CELF4: variants seen among roughly 807,000 people sequenced by gnomAD.
CELF4 encodes CUGBP Elav-like family member 4, also known as CUG-BP- and ETR-3-like factor 4.
Under a neutral mutation model 59.9 loss-of-function variants are expected in CELF4, and 18 were observed. The observed-to-expected ratio is 0.30, with a 90% CI of 0.21 to 0.45. The LOEUF (loss-of-function observed/expected upper bound fraction) is 0.45. CELF4 is among the 20% of genes least tolerant of loss of function. CELF4 has a pLI of 1.00. For synonymous variants in CELF4, 261 were observed against 267.1 expected (o/e 0.98, Z 0.22); for missense variants, 456 against 689.0 (o/e 0.66, Z 3.79).
At chr18:37,381,588 G>C (rs2099041429) in intron 2 of CELF4, among the ~76,000 whole-genome samples, 1 of 152,022 alleles carries the variant, frequency 6.6e-6, no homozygotes, top group African/African-American at 2.4e-5. Flanking sequence ...ATTTGAATGG[G>C]GTCTCTCTGA....
intron 2 of CELF4, among the ~76,000 whole-genome samples, chr18:37,382,487 G>A (rs1336948182): frequency 1.3e-5 from 2 of 152,144 alleles, no homozygotes; most frequent in African/African-American, 4.8e-5. Flanking sequence ...TCTTCACCAT[G>A]TATCCTGGGC....
chr18:37,436,052 T>C (rs1416373342), intron 2 of CELF4, among the ~76,000 whole-genome samples: 1 of 152,050 alleles, frequency 6.6e-6, no homozygotes, highest in Non-Finnish European at 1.5e-5. Context: ...AGGAATGACT[T>C]CACATTTTTG....
intron 3 of CELF4, among the ~76,000 whole-genome samples, chr18:37,309,678 T>C (rs974200396): frequency 4.6e-5 from 7 of 152,024 alleles, no homozygotes; most frequent in East Asian, 1.9e-4. Context: ...GCAGATACTA[T>C]GCGCGTGTGC....
At position 37,328,166 on chromosome 18, in the gene CELF4, C is replaced by T. The variant is rs995090974; in HGVS notation, c.370-6285G>A. Among the ~76,000 whole-genome samples, 18 of 152,302 alleles carry T rather than the reference C, an allele frequency of 1.2e-4. No homozygotes were observed. The South Asian group carries it at 3.5e-3, about 30-fold the overall frequency. On this transcript the variant is annotated intron_variant, in intron 2 of 12. Transcript: ENST00000420428. ...AGGACTGTGCTTCTTCCCTGGAGTA[C>T]GTGTGTGCAACTGATTAGTGCTATG... is the stretch of plus-strand genomic sequence containing the variant.
intron 2 of CELF4, among the ~76,000 whole-genome samples, chr18:37,362,114 A>G (rs1247670372): frequency 6.6e-6 from 1 of 151,910 alleles, no homozygotes; most frequent in Non-Finnish European, 1.5e-5. Flanking sequence ...TGAGGGGAGG[A>G]GGCCTGGCCA....
At chr18:37,563,036 C>T (rs1440368306) in intron 1 of CELF4, among the ~76,000 whole-genome samples, 1 of 151,650 alleles carries the variant, frequency 6.6e-6, no homozygotes, top group African/African-American at 2.4e-5. Flanking sequence ...CCTAGGAATT[C>T]TGGCCAGATT....
intron 2 of CELF4, among the ~76,000 whole-genome samples, chr18:37,338,499 A>T (rs1385148764): frequency 6.6e-6 from 1 of 152,134 alleles, no homozygotes; most frequent in Non-Finnish European, 1.5e-5. Flanking sequence ...GCTCAAAGAG[A>T]TACTGCTAGT....
At chr18:37,325,714 C>A (rs1436578548) in intron 2 of CELF4, among the ~76,000 whole-genome samples, 2 of 152,242 alleles carry the variant, frequency 1.3e-5, no homozygotes, top group Non-Finnish European at 2.9e-5. Context: ...TCCAGCCTCC[C>A]AGCTGCCTTC....
Position 37,251,929 on chromosome 18 carries a change from C to G in CELF4, c.*44+1838G>C, listed in dbSNP as rs992868447. Reference sequence around the variant, plus strand: ...GCCAGAAATGGGCAAGGATGGGAAACAAGCCAGAAATGGGCAAGGATGGGA... The same window carrying G: ...GCCAGAAATGGGCAAGGATGGGAAAGAAGCCAGAAATGGGCAAGGATGGGA... On this transcript the variant is annotated intron_variant, in intron 12 of 12. Coordinates refer to ENST00000420428, the MANE Select transcript of CELF4 (RefSeq NM_020180.4). Among the ~76,000 whole-genome samples the G allele has an allele frequency of 3.9e-5, 6 of 152,314 alleles. 1 individual carries two copies. The highest frequency in any genetic ancestry group is 3.3e-4 in the Admixed American group (5 of 15,302).
At chr18:37,310,081 C>T (rs755680806) in intron 3 of CELF4, among the ~76,000 whole-genome samples, 4 of 152,004 alleles carry the variant, frequency 2.6e-5, no homozygotes, top group Non-Finnish European at 5.9e-5. Context: ...ATGGACTGGA[C>T]TATAAAAATA....
chr18:37,398,112 G>A (rs1480595322), intron 2 of CELF4, among the ~76,000 whole-genome samples: 1 of 152,216 alleles, frequency 6.6e-6, no homozygotes, highest in Admixed American at 6.5e-5. Flanking sequence ...GAGGACAGGT[G>A]TGTCAAGTGA....
intron 3 of CELF4, among the ~76,000 whole-genome samples, chr18:37,295,349 G>T (rs1317209619): frequency 6.6e-6 from 1 of 152,240 alleles, no homozygotes; most frequent in Non-Finnish European, 1.5e-5. Flanking sequence ...TCCAGATTGG[G>T]ATGGTGTGGC....
At chr18:37,375,333 G>A (rs1217811279) in intron 2 of CELF4, among the ~76,000 whole-genome samples, 3 of 152,214 alleles carry the variant, frequency 2.0e-5, no homozygotes, top group African/African-American at 4.8e-5. Flanking sequence ...GGAAGTAAGC[G>A]ATGACGCCGG....
intron 1 of CELF4, among the ~76,000 whole-genome samples, chr18:37,532,171 TG>T (rs1218366949): frequency 1.3e-5 from 2 of 152,204 alleles, no homozygotes; most frequent in African/African-American, 4.8e-5. Flanking sequence ...GCACTTCTGC[TG>T]ATCTTTGCAT....
intron 2 of CELF4, among the ~76,000 whole-genome samples, chr18:37,462,109 C>T (rs1569569499): frequency 6.6e-6 from 1 of 152,202 alleles, no homozygotes; most frequent in Non-Finnish European, 1.5e-5. Context: ...TTCACCCCAC[C>T]GTGAGCCCTG....
intron 1 of CELF4, among the ~76,000 whole-genome samples, chr18:37,561,475 A>C (rs2099986513): frequency 6.6e-6 from 1 of 152,214 alleles, no homozygotes; most frequent in African/African-American, 2.4e-5. Flanking sequence ...AATGCATTAT[A>C]ATATGGCTAT....
intron 2 of CELF4, among the ~76,000 whole-genome samples, chr18:37,324,158 C>A (rs1188588183): frequency 1.3e-5 from 2 of 152,260 alleles, no homozygotes; most frequent in Non-Finnish European, 2.9e-5. Flanking sequence ...CTGTCCCTCC[C>A]AGCCTCCTCC....
intron 2 of CELF4, among the ~76,000 whole-genome samples, chr18:37,402,665 GAGTA>G (rs1359098999): frequency 3.9e-5 from 6 of 152,196 alleles, no homozygotes; most frequent in Admixed American, 6.5e-5. Context: ...GTAAGCCAAA[GAGTA>G]AGTAAAAGTT....
At chr18:37,423,064 G>GTGCA (rs2099589071) in intron 2 of CELF4, among the ~76,000 whole-genome samples, 3 of 150,414 alleles carry the variant, frequency 2.0e-5, no homozygotes, top group African/African-American at 7.3e-5. Flanking sequence ...GCGCGCGCGC[G>GTGCA]CACACACACA....
Sources: allele counts gnomAD v4.1 joint callset (sites outside exome capture counted in the v4.1 genomes callset), GRCh38; gene constraint gnomAD v4.1.1; transcripts MANE v1.5; gene names NCBI Gene and HGNC (gene_info 2026-07-23, HGNC 2026-07-21).